NEMP2: variants seen among roughly 807,000 people sequenced by gnomAD.
NEMP2 encodes UPF0571 transmembrane protein.
A neutral mutation model predicts 54.2 loss-of-function variants in NEMP2; 53 were observed. The ratio of observed to expected loss-of-function variants is 0.98; its 90% CI spans 0.78 to 1.23. NEMP2 has a LOEUF of 1.23. Ranked by LOEUF, NEMP2 falls within the 50% of genes most tolerant of loss-of-function variation. The probability of loss-of-function intolerance (pLI) is 0.00; values close to 1 mark genes in which losing one functional copy is unlikely to be tolerated. For synonymous variants in NEMP2, 197 were observed against 190.3 expected (o/e 1.04, Z -0.29); for missense variants, 455 against 511.3 (o/e 0.89, Z 1.06).
upstream of NEMP2, among the ~76,000 whole-genome samples, chr2:190,539,379 G>A (rs546233865): frequency 6.6e-6 from 1 of 152,252 alleles, no homozygotes; most frequent in South Asian, 2.1e-4. The surrounding 1 kb of genome is among the most constrained non-coding windows in gnomAD (Gnocchi z 4.1). Context: ...AAATCAAGTA[G>A]TATGATGTCT....
the NEMP2 span, among the ~76,000 whole-genome samples, chr2:190,592,610 A>T: frequency 6.6e-6 from 1 of 152,152 alleles, no homozygotes; most frequent in Non-Finnish European, 1.5e-5. This position sits in a 1 kb window ranked among gnomAD's most constrained non-coding sequence, Gnocchi z 4.4. Context: ...CCCATATTTG[A>T]TGATAATTTC....
chr2:190,459,271 T>G, the NEMP2 span, among the ~76,000 whole-genome samples: 1 of 152,214 alleles, frequency 6.6e-6, no homozygotes, highest in Admixed American at 6.5e-5. This position sits in a 1 kb window ranked among gnomAD's most constrained non-coding sequence, Gnocchi z 5.3. Flanking sequence ...TGCTTTTGAT[T>G]TGGTCATGAC....
the NEMP2 span, among the ~76,000 whole-genome samples, chr2:190,447,313 A>T: frequency 6.6e-6 from 1 of 152,178 alleles, no homozygotes; most frequent in Admixed American, 6.5e-5. This position sits in a 1 kb window ranked among gnomAD's most constrained non-coding sequence, Gnocchi z 4.5. Flanking sequence ...GACATGAGTG[A>T]TTGAGCGAAA....
chr2:190,490,572 AC>A, the NEMP2 span, among the ~76,000 whole-genome samples: 8 of 152,028 alleles, frequency 5.3e-5, no homozygotes, highest in Non-Finnish European at 7.4e-5. The surrounding 1 kb of genome is among the most constrained non-coding windows in gnomAD (Gnocchi z 4.5). Flanking sequence ...CAAAAAAAAA[AC>A]AAAAAACAAA....
the NEMP2 span, among the ~76,000 whole-genome samples, chr2:190,543,441 A>G: frequency 1.3e-5 from 2 of 152,218 alleles, no homozygotes; most frequent in African/African-American, 2.4e-5. The surrounding 1 kb of genome is among the most constrained non-coding windows in gnomAD (Gnocchi z 4.7). Context: ...GAGGTGGACA[A>G]TCAGCTTTCT....
the NEMP2 span, among the ~76,000 whole-genome samples, chr2:190,642,553 T>C: frequency 1.4e-3 from 217 of 152,298 alleles, no homozygotes; most frequent in Middle Eastern, 6.8e-3. This position sits in a 1 kb window ranked among gnomAD's most constrained non-coding sequence, Gnocchi z 4.1. Flanking sequence ...AATCTCTATA[T>C]ATTTAAAAAT....
the NEMP2 span, among the ~76,000 whole-genome samples, chr2:190,428,317 C>T: frequency 3.3e-5 from 5 of 152,144 alleles, no homozygotes; most frequent in Non-Finnish European, 5.9e-5. Flanking sequence ...AGATGTCTTT[C>T]GGTGAATATA....
chr2:190,447,080 T>C, the NEMP2 span, among the ~76,000 whole-genome samples: 1 of 144,636 alleles, frequency 6.9e-6, no homozygotes, highest in Non-Finnish European at 1.6e-5. The surrounding 1 kb of genome is among the most constrained non-coding windows in gnomAD (Gnocchi z 4.5). Flanking sequence ...CTCTGATTCA[T>C]AGGCTCAGTA....
At chr2:190,436,381 G>A in the NEMP2 span, 1 of 1,614,160 alleles carries the variant, frequency 6.2e-7, no homozygotes, top group Non-Finnish European at 8.5e-7. The surrounding 1 kb of genome is among the most constrained non-coding windows in gnomAD (Gnocchi z 5.3). Context: ...ATTCTGCAGT[G>A]CCCCCTTTTG....
chr2:190,465,841 A>G, the NEMP2 span, among the ~76,000 whole-genome samples: 20 of 152,148 alleles, frequency 1.3e-4, no homozygotes, highest in Admixed American at 3.3e-4. This position sits in a 1 kb window ranked among gnomAD's most constrained non-coding sequence, Gnocchi z 4.6. Flanking sequence ...AAAAATACAA[A>G]AATTAGCCGG....
chr2:190,601,072 A>C, the NEMP2 span, among the ~76,000 whole-genome samples: 1 of 152,100 alleles, frequency 6.6e-6, no homozygotes, highest in Non-Finnish European at 1.5e-5. This position sits in a 1 kb window ranked among gnomAD's most constrained non-coding sequence, Gnocchi z 5.8. Flanking sequence ...ATGTGACCCT[A>C]TGTGGAAATA....
chr2:190,443,505 G>A, the NEMP2 span, among the ~76,000 whole-genome samples: 1 of 152,180 alleles, frequency 6.6e-6, no homozygotes, highest in Admixed American at 6.5e-5. The surrounding 1 kb of genome is among the most constrained non-coding windows in gnomAD (Gnocchi z 4.2). Flanking sequence ...ACCCATTGAA[G>A]TTGATAAAAA....
At chr2:190,455,539 T>C in the NEMP2 span, among the ~76,000 whole-genome samples, 367 of 152,334 alleles carry the variant, frequency 2.4e-3, 2 homozygotes, top group South Asian at 0.018. Flanking sequence ...CCCTGGCAAC[T>C]TGGTGAACCT....
rs771902799 is a variant in NEMP2, at chr2:190,510,206, C to G, written c.1130+155G>C. Among the ~76,000 whole-genome samples, 10 of 152,152 alleles carry G rather than the reference C, an allele frequency of 6.6e-5. No individual in the cohort carries two copies. Among genetic ancestry groups the G allele is most frequent in the Non-Finnish European group, 1.0e-4 (7 of 68,026 alleles). On this transcript the variant is annotated intron_variant, in intron 8 of 8. Coordinates refer to ENST00000409150, the MANE Select transcript of NEMP2 (RefSeq NM_001142645.2). This position sits in a 1 kb window ranked among gnomAD's most constrained non-coding sequence, Gnocchi z 5.7. ...TCAGCAGTTCTACTGTGCAAAGTCA[C>G]AGTACTGAGAAAAGGGACCTCTGAC...
chr2:190,548,397 T>C, the NEMP2 span, among the ~76,000 whole-genome samples: 1 of 152,204 alleles, frequency 6.6e-6, no homozygotes, highest in Non-Finnish European at 1.5e-5. Context: ...GAGGGCTTCA[T>C]AAATATGTAT....
the NEMP2 span, among the ~76,000 whole-genome samples, chr2:190,482,855 T>C: frequency 1.4e-5 from 2 of 144,338 alleles, no homozygotes; most frequent in Non-Finnish European, 3.0e-5. Flanking sequence ...AGAAGAGTTA[T>C]TAAGACTATC....
At chr2:190,460,360 C>G in the NEMP2 span, among the ~76,000 whole-genome samples, 3 of 152,180 alleles carry the variant, frequency 2.0e-5, no homozygotes, top group African/African-American at 7.2e-5. Context: ...ACATACCCAT[C>G]ACTTATTCCT....
chr2:190,560,777 G>C, the NEMP2 span, among the ~76,000 whole-genome samples: 1 of 152,150 alleles, frequency 6.6e-6, no homozygotes, highest in South Asian at 2.1e-4. This position sits in a 1 kb window ranked among gnomAD's most constrained non-coding sequence, Gnocchi z 5.4. Flanking sequence ...ACATCCTCAA[G>C]GTGTGTAGGA....
chr2:190,476,265 C>G, the NEMP2 span, among the ~76,000 whole-genome samples: 8 of 152,132 alleles, frequency 5.3e-5, no homozygotes, highest in Non-Finnish European at 1.0e-4. Context: ...TCAGAGTGAA[C>G]AGGCAACCTA....
Sources: gnomAD v4.1 joint callset for allele counts (sites outside exome capture counted in the v4.1 genomes callset) on GRCh38, gnomAD v4.1.1 for gene constraint, Gnocchi (gnomAD v3.1) non-coding constraint, MANE v1.5 for transcripts, NCBI Gene and HGNC (gene_info 2026-07-23, HGNC 2026-07-21) for gene names.